The following JCHAIN variants were observed in gnomAD, a reference collection of about 807,000 sequenced individuals.
JCHAIN encodes the protein joining chain of multimeric IgA and IgM, also known as immunoglobulin J chain.
A neutral mutation model predicts 11.1 loss-of-function variants in JCHAIN; 5 were observed. The ratio of observed to expected loss-of-function variants is 0.45; its 90% confidence interval spans 0.24 to 0.95. The LOEUF (loss-of-function observed/expected upper bound fraction) is 0.95, where lower values mean the gene tolerates loss of function less well. JCHAIN is among the 40% of genes least tolerant of loss of function. JCHAIN has a pLI of 0.21. For missense variants in JCHAIN, 165 were observed against 192.7 expected (o/e 0.86, Z 0.85); for synonymous variants, 51 against 67.8 (o/e 0.75, Z 1.22).
rs1276065905 is a variant in JCHAIN at position 70,657,293 on chromosome 4, TAAAAG to T, written c.189-7_189-3del. On this transcript the variant is annotated splice_region_variant and splice_polypyrimidine_tract_variant and intron_variant, in intron 2 of 3. Coordinates refer to ENST00000254801, the MANE Select transcript of JCHAIN (RefSeq NM_144646.4). ...TTCTCCCTGTTGTTCAGAGGAACAC[TAAAAG>T]AAAAGAAAGAAAACAAAGTTAAAAC... The T allele has an allele frequency of 1.9e-6, 3 of 1,575,134 alleles. No homozygotes were observed. Among genetic ancestry groups the T allele is most frequent in the East Asian group, 2.2e-5 (1 of 44,572 alleles).
In JCHAIN at chr4:70,658,594, C is replaced by T. The variant is rs60857497; in HGVS notation, c.189-1303G>A. The stretch of plus-strand genomic sequence containing the variant: ...GCCTGGTACTATGCTAAGCATATTA[C>T]GTGATGATCTCATATAATCGTCACA... On this transcript the variant is annotated intron_variant, in intron 2 of 3. Coordinates refer to ENST00000254801, the MANE Select transcript of JCHAIN (RefSeq NM_144646.4). Among the ~76,000 whole-genome samples, 442 of 152,284 alleles carry T rather than the reference C, an allele frequency of 2.9e-3. 23 individuals are homozygous for T. In the East Asian group the frequency reaches 0.071, roughly 24 times the overall value.
chr4:70,661,163 C>T (rs1226680524), intron 2 of JCHAIN, among the ~76,000 whole-genome samples: 1 of 152,130 alleles, frequency 6.6e-6, no homozygotes, highest in African/African-American at 2.4e-5. Context: ...TGGGGAAAAA[C>T]TATTAAGGTA....
chr4:70,660,976 T>C (rs903281355), intron 2 of JCHAIN, among the ~76,000 whole-genome samples: 3 of 152,224 alleles, frequency 2.0e-5, no homozygotes, highest in Non-Finnish European at 2.9e-5. Flanking sequence ...ATGATTTTTT[T>C]CCTCATTTAA....
chr4:70,656,800 T>A (rs1322466618), intron 3 of JCHAIN, among the ~76,000 whole-genome samples: 1 of 152,238 alleles, frequency 6.6e-6, no homozygotes, highest in Non-Finnish European at 1.5e-5. Context: ...CAATTTCTAC[T>A]GTGTTAGGCT....
intron 1 of JCHAIN, 23 bp from the exon 2 acceptor site, chr4:70,662,238 A>T: frequency 6.2e-7 from 1 of 1,601,410 alleles, no homozygotes; most frequent in Non-Finnish European, 8.5e-7. Flanking sequence ...ACGTATTAAA[A>T]AGAAAGGAAA....
chr4:70,656,518 T>C lies in JCHAIN; in HGVS notation c.291A>G (p.Thr97=). 6.2e-7 allele frequency: 1 copy of C among 1,613,126 alleles called. No individual in the cohort carries two copies. The highest frequency in any genetic ancestry group is 1.1e-5 in the South Asian group (1 of 91,036). ...CTATCTGATTATCCAGCTCCACTTC[T>C]GTAGGATCACATTTTTTACAGCTGA... ...LSDLCKKCDP[T]EVELDNQIVT... The change falls in exon 4 of 4, where the codon ACA becomes ACG. Residue 97 remains threonine (T), a synonymous_variant. Coordinates refer to ENST00000254801, the MANE Select transcript of JCHAIN (RefSeq NM_144646.4).
In JCHAIN at chr4:70,656,300, AAG is replaced by A. The variant is rs771866781; in HGVS notation, c.*27_*28del. 8.9e-6 allele frequency: 13 copies of A among 1,460,458 alleles called. No homozygotes were observed. In the South Asian group the frequency reaches 1.2e-4, roughly 13 times the overall value. 90.5% of individuals were successfully genotyped at this position (1,460,458 alleles called of 1,614,324 possible). A position where few individuals can be genotyped will look rare whatever the true frequency, so the allele number is the denominator to read the frequency against. ...TCAAAATGGAGAGCCTCTCAAGAAAAAGAGCTATGCAGTCAGCAATGACTTAA... is the reference window on the plus strand; with the variant it reads ...TCAAAATGGAGAGCCTCTCAAGAAAAAGCTATGCAGTCAGCAATGACTTAA... On this transcript the variant is annotated 3_prime_UTR_variant, in exon 4 of 4. Transcript: ENST00000254801.
chr4:70,657,175 C>G (rs749978722), intron 3 of JCHAIN, 36 bp downstream of exon 3: 1 of 1,111,324 alleles, frequency 9.0e-7, no homozygotes, highest in Non-Finnish European at 1.4e-6. Flanking sequence ...TATTAACTTC[C>G]ACATCTATAT....
At chr4:70,657,662 A>AGT (rs1411868990) in intron 2 of JCHAIN, among the ~76,000 whole-genome samples, 1 of 152,118 alleles carries the variant, frequency 6.6e-6, no homozygotes, top group East Asian at 1.9e-4. Flanking sequence ...ATTATATCAA[A>AGT]TGCCGTATCA....
At chr4:70,661,767 A>G (rs1467246015) in intron 2 of JCHAIN, among the ~76,000 whole-genome samples, 1 of 152,220 alleles carries the variant, frequency 6.6e-6, no homozygotes, top group Non-Finnish European at 1.5e-5. Flanking sequence ...TGACAGAGTG[A>G]GACCCTGTCT....
In JCHAIN at chr4:70,657,188, C is replaced by A. The variant is rs558574156; in HGVS notation, c.269+23G>T. 1.9e-4 allele frequency: 258 copies of A among 1,344,790 alleles called. 2 individuals are homozygous for A. In the South Asian group the frequency reaches 2.5e-3, roughly 13 times the overall value. 83.3% of individuals were successfully genotyped at this position (1,344,790 alleles called of 1,614,324 possible). ...GCTATTAACTTCCACATCTATATTA[C>A]TATGGAAAAAAATATATCTTACAGG... On this transcript the variant is annotated intron_variant, in intron 3 of 3. Coordinates refer to ENST00000254801, the MANE Select transcript of JCHAIN (RefSeq NM_144646.4).
At chr4:70,661,899 A>C (rs1441719199) in intron 2 of JCHAIN, among the ~76,000 whole-genome samples, 193 bp downstream of exon 2, 1 of 152,252 alleles carries the variant, frequency 6.6e-6, no homozygotes, top group Non-Finnish European at 1.5e-5. Flanking sequence ...GATTGGCTGT[A>C]ATCTTTCATT....
chr4:70,655,832 G>C lies in JCHAIN; in HGVS notation c.*497C>G, dbSNP rs1337017186. 1.3e-5 allele frequency: 2 copies of C among 151,034 alleles called. No individual in the cohort carries two copies. The highest frequency in any genetic ancestry group is 4.9e-5 in the African/African-American group (2 of 41,136). 9.4% of individuals were successfully genotyped at this position (151,034 alleles called of 1,614,324 possible). A position where few individuals can be genotyped will look rare whatever the true frequency, so the allele number is the denominator to read the frequency against. ...TTTTCCAATTATTATTTTTCTAATG[G>C]AGACATATAATTGACCTATGTTTAT... On this transcript the variant is annotated 3_prime_UTR_variant, in exon 4 of 4. Coordinates refer to ENST00000254801, the MANE Select transcript of JCHAIN (RefSeq NM_144646.4).
chr4:70,659,507 G>T (rs758282483), intron 2 of JCHAIN, among the ~76,000 whole-genome samples: 34 of 113,350 alleles, frequency 3.0e-4, no homozygotes, highest in Non-Finnish European at 5.0e-4. Flanking sequence ...CCAAGATCAT[G>T]CTACTGCACT....
chr4:70,656,611 C>A (rs1204366602), intron 3 of JCHAIN, 72 bp from the exon 4 acceptor site: 8 of 1,124,942 alleles, frequency 7.1e-6, no homozygotes, highest in African/African-American at 1.5e-5. Flanking sequence ...CATTTCAATC[C>A]AAAATCAATT....
At chr4:70,666,347 G>A in intron 1 of JCHAIN, 80 bp downstream of exon 1, 1 of 977,074 alleles carries the variant, frequency 1.0e-6, no homozygotes, top group Non-Finnish European at 1.6e-6. Context: ...CAAAGCATAG[G>A]CATAAATGTT....
chr4:70,666,206 C>G (rs1006101718), intron 1 of JCHAIN, among the ~76,000 whole-genome samples: 3 of 152,032 alleles, frequency 2.0e-5, no homozygotes, highest in Non-Finnish European at 4.4e-5. Context: ...TTCTTATTCT[C>G]TAGTTTGTAG....
chr4:70,659,091 G>C (rs1739007218), intron 2 of JCHAIN, among the ~76,000 whole-genome samples: 1 of 152,102 alleles, frequency 6.6e-6, no homozygotes, highest in Non-Finnish European at 1.5e-5. Context: ...GCCAAACACT[G>C]TTCTTTTATG....
chr4:70,659,054 T>C (rs1181532259), intron 2 of JCHAIN, among the ~76,000 whole-genome samples: 2 of 152,196 alleles, frequency 1.3e-5, no homozygotes, highest in Non-Finnish European at 2.9e-5. Context: ...ACTCTAGTAA[T>C]ATCAGAAAAA....
Sources: gnomAD v4.1 joint callset for allele counts (sites outside exome capture counted in the v4.1 genomes callset) on GRCh38, gnomAD v4.1.1 for gene constraint, MANE v1.5 for transcripts, NCBI Gene and HGNC (gene_info 2026-07-23, HGNC 2026-07-21) for gene names.